CCSER1: variants seen among roughly 807,000 people sequenced by gnomAD.
CCSER1 encodes coiled-coil serine rich protein 1, also known as serine-rich coiled-coil domain-containing protein 1.
A neutral mutation model predicts 82.0 loss-of-function variants in CCSER1; 41 were observed. The observed-to-expected ratio is 0.50, with a 90% CI of 0.39 to 0.65. CCSER1 has a LOEUF of 0.65. Ranked by LOEUF, CCSER1 falls within the 30% of genes least tolerant of loss-of-function variation. The pLI is 0.00. For missense variants in CCSER1, 1,119 were observed against 1,064.2 expected (o/e 1.05, Z -0.72); for synonymous variants, 414 against 383.9 (o/e 1.08, Z -0.92).
At chr4:90,432,269 C>G (rs1172338343) in intron 4 of CCSER1, among the ~76,000 whole-genome samples, 2 of 151,998 alleles carry the variant, frequency 1.3e-5, no homozygotes, top group African/African-American at 2.4e-5. Context: ...AAAAAATTTG[C>G]TATTTGTTGT....
chr4:90,524,478 G>A (rs1366782280), intron 5 of CCSER1, among the ~76,000 whole-genome samples: 4 of 152,072 alleles, frequency 2.6e-5, no homozygotes, highest in Non-Finnish European at 5.9e-5. Flanking sequence ...GTTGTTGTTT[G>A]TTTGTTTTTG....
At chr4:90,705,373 G>A (rs1266426679) in intron 6 of CCSER1, among the ~76,000 whole-genome samples, 2 of 152,216 alleles carry the variant, frequency 1.3e-5, no homozygotes, top group East Asian at 3.9e-4. Flanking sequence ...TGAGTTGTCA[G>A]TCTCCCCCTA....
At chr4:90,269,773 C>G (rs1725913877) in intron 1 of CCSER1, among the ~76,000 whole-genome samples, 1 of 151,374 alleles carries the variant, frequency 6.6e-6, no homozygotes, top group South Asian at 2.1e-4. Context: ...AAAAACCTGA[C>G]AAACCTTTAG....
intron 7 of CCSER1, among the ~76,000 whole-genome samples, chr4:90,792,601 A>G (rs575829525): frequency 6.6e-6 from 1 of 152,252 alleles, no homozygotes; most frequent in East Asian, 1.9e-4. Flanking sequence ...GATTCTTTTG[A>G]TGATGTGACA....
At chr4:90,155,061 C>T (rs1006061479) in intron 1 of CCSER1, among the ~76,000 whole-genome samples, 2 of 152,090 alleles carry the variant, frequency 1.3e-5, no homozygotes, top group Admixed American at 6.5e-5. Context: ...CCCATCAATA[C>T]CTAATTTATT....
At chr4:90,215,834 C>T (rs755683862) in intron 1 of CCSER1, among the ~76,000 whole-genome samples, 5 of 152,090 alleles carry the variant, frequency 3.3e-5, no homozygotes, top group Non-Finnish European at 5.9e-5. Flanking sequence ...ACTCACTGTC[C>T]AACAGGCTTT....
intron 10 of CCSER1, among the ~76,000 whole-genome samples, chr4:91,440,895 A>T (rs1382795540): frequency 6.6e-6 from 1 of 152,164 alleles, no homozygotes; most frequent in African/African-American, 2.4e-5. Flanking sequence ...TCCTCGACAC[A>T]TACACCCTCC....
intron 7 of CCSER1, among the ~76,000 whole-genome samples, chr4:90,729,056 G>A (rs1744234832): frequency 6.6e-6 from 1 of 152,180 alleles, no homozygotes; most frequent in African/African-American, 2.4e-5. Context: ...CTAGCTATGT[G>A]AGACCTTGAG....
At chr4:90,551,706 C>CTCTCTCTCTCTCTCTCTCTATA in intron 5 of CCSER1, among the ~76,000 whole-genome samples, 65 of 104,230 alleles carry the variant, frequency 6.2e-4, no homozygotes, top group African/African-American at 2.9e-3. Flanking sequence ...CTCTCTCTCT[C>CTCTCTCTCTCTCTCTCTCTATA]TATATATATA....
chr4:90,229,116 A>T (rs1252408976), intron 1 of CCSER1, among the ~76,000 whole-genome samples: 1 of 152,200 alleles, frequency 6.6e-6, no homozygotes, highest in African/African-American at 2.4e-5. Flanking sequence ...AGAAATACAG[A>T]GAACGCCACA....
At chr4:91,093,006 A>G (rs984182552) in intron 10 of CCSER1, among the ~76,000 whole-genome samples, 3 of 152,136 alleles carry the variant, frequency 2.0e-5, no homozygotes, top group African/African-American at 7.2e-5. Flanking sequence ...CCCGAATTTA[A>G]TAGGCCTTTT....
chr4:91,545,149 G>C (rs1420655241), intron 10 of CCSER1, among the ~76,000 whole-genome samples: 2 of 152,092 alleles, frequency 1.3e-5, no homozygotes, highest in Non-Finnish European at 2.9e-5. Context: ...ATAATCTCCT[G>C]GTGTGCCATT....
At chr4:90,544,554 T>C (rs1031579025) in intron 5 of CCSER1, among the ~76,000 whole-genome samples, 1 of 152,040 alleles carries the variant, frequency 6.6e-6, no homozygotes, top group Non-Finnish European at 1.5e-5. Flanking sequence ...CATCAAAGCT[T>C]TGGTGTCCAG....
chr4:90,855,875 C>T (rs1764407060), intron 8 of CCSER1, among the ~76,000 whole-genome samples: 1 of 152,062 alleles, frequency 6.6e-6, no homozygotes, highest in African/African-American at 2.4e-5. Context: ...ACTTGTGCCT[C>T]ATTGCCTTCA....
intron 10 of CCSER1, among the ~76,000 whole-genome samples, chr4:91,243,422 C>T (rs529441511): frequency 6.6e-6 from 1 of 151,280 alleles, no homozygotes; most frequent in Non-Finnish European, 1.5e-5. Flanking sequence ...TAGGGAGACA[C>T]CAGCTGCTGG....
chr4:91,211,589 G>C (rs1736827523), intron 10 of CCSER1, among the ~76,000 whole-genome samples: 1 of 152,002 alleles, frequency 6.6e-6, no homozygotes, highest in Admixed American at 6.6e-5. Flanking sequence ...TTTACATTCT[G>C]TCAGTACGCA....
chr4:91,345,523 GATTTT>G (rs1747996943), intron 10 of CCSER1, among the ~76,000 whole-genome samples: 1 of 151,262 alleles, frequency 6.6e-6, no homozygotes, highest in Admixed American at 6.6e-5. Context: ...TTAATTAATA[GATTTT>G]ATTTTTTGTG....
At chr4:91,389,814 TTAAG>T (rs1399819841) in intron 10 of CCSER1, among the ~76,000 whole-genome samples, 11 of 152,062 alleles carry the variant, frequency 7.2e-5, no homozygotes, top group African/African-American at 2.4e-4. Context: ...AGATTTTTAC[TTAAG>T]TATTTTATTT....
At chr4:90,953,603 C>A (rs1235759089) in intron 9 of CCSER1, among the ~76,000 whole-genome samples, 1 of 151,440 alleles carries the variant, frequency 6.6e-6, no homozygotes, top group East Asian at 1.9e-4. Context: ...CCTATACATT[C>A]CTATATCTAT....
Sources: allele counts gnomAD v4.1 joint callset (sites outside exome capture counted in the v4.1 genomes callset), GRCh38; gene constraint gnomAD v4.1.1; transcripts MANE v1.5; gene names NCBI Gene and HGNC (gene_info 2026-07-23, HGNC 2026-07-21).